Variants in SLC4A10 observed in about 807,000 individuals in gnomAD.
SLC4A10 encodes the protein sodium-driven chloride bicarbonate exchanger.
SLC4A10 carries 42 observed loss-of-function variants against 137.7 expected under a neutral mutation model. The ratio of observed to expected loss-of-function variants is 0.30; its 90% confidence interval spans 0.24 to 0.39. SLC4A10 has a LOEUF of 0.39. Ranked by LOEUF, SLC4A10 falls within the 10% of genes least tolerant of loss-of-function variation. SLC4A10 has a pLI of 1.00. For synonymous variants in SLC4A10, 474 were observed against 464.1 expected (o/e 1.02, Z -0.27); for missense variants, 925 against 1,355.0 (o/e 0.68, Z 4.98).
chr2:161,632,421 A>T (rs1399856689), intron 1 of SLC4A10, among the ~76,000 whole-genome samples: 4 of 151,672 alleles, frequency 2.6e-5, no homozygotes, highest in Non-Finnish European at 5.9e-5. Context: ...AAAGAAAAAA[A>T]CCCACCACAT....
At chr2:161,636,851 G>A (rs1466728786) in intron 1 of SLC4A10, among the ~76,000 whole-genome samples, 1 of 151,370 alleles carries the variant, frequency 6.6e-6, no homozygotes, top group Admixed American at 6.6e-5. Flanking sequence ...TACCATGCCT[G>A]TCTAATTAAT....
At chr2:161,894,336 A>G (rs1302065992) in intron 10 of SLC4A10, among the ~76,000 whole-genome samples, 1 of 152,086 alleles carries the variant, frequency 6.6e-6, no homozygotes, top group East Asian at 1.9e-4. Flanking sequence ...TTTTATTTCT[A>G]TTTGTAAGCA....
intron 1 of SLC4A10, among the ~76,000 whole-genome samples, chr2:161,709,148 T>A (rs1473096386): frequency 6.6e-6 from 1 of 151,500 alleles, no homozygotes; most frequent in East Asian, 1.9e-4. Flanking sequence ...AGATTAAGCC[T>A]GAATAGAGTC....
chr2:161,983,096 CG>C, intron 26 of SLC4A10, 82 bp from the exon 27 acceptor site: 1 of 1,284,066 alleles, frequency 7.8e-7, no homozygotes, highest in Non-Finnish European at 1.1e-6. Context: ...TTGGGGTTGA[CG>C]GGTTTTATGT....
chr2:161,807,579 T>C (rs1286113284), intron 3 of SLC4A10, among the ~76,000 whole-genome samples: 1 of 152,186 alleles, frequency 6.6e-6, no homozygotes, highest in African/African-American at 2.4e-5. Flanking sequence ...TAAGTTTGTC[T>C]TTATTTGTTT....
Position 161,956,984 on chromosome 2 carries a change from A to T in SLC4A10, c.2542-5A>T. The T allele has an allele frequency of 6.4e-7, 1 of 1,553,528 alleles. No individual in the cohort carries two copies. Among genetic ancestry groups the T allele is most frequent in the Non-Finnish European group, 8.7e-7 (1 of 1,150,078 alleles). On this transcript the variant is annotated splice_region_variant and splice_polypyrimidine_tract_variant and intron_variant, in intron 19 of 26. Transcript: ENST00000446997. The stretch of plus-strand genomic sequence containing the variant: ...TCTTTCTCTCTTTCTTTCTTTTTTA[A>T]ACAGAAAGGTTGTGGGTACCATCTG...
intron 1 of SLC4A10, among the ~76,000 whole-genome samples, chr2:161,695,426 T>C (rs766045017): frequency 1.1e-4 from 17 of 152,190 alleles, no homozygotes; most frequent in Admixed American, 2.6e-4. Context: ...TTTTGCATAC[T>C]GTTGCATTTT....
At chr2:161,926,409 T>G (rs1689122669) in intron 15 of SLC4A10, among the ~76,000 whole-genome samples, 1 of 112,640 alleles carries the variant, frequency 8.9e-6, no homozygotes, top group Non-Finnish European at 1.9e-5. Flanking sequence ...TTTTTTTTTT[T>G]GGTAGATCTT....
chr2:161,919,469 G>A (rs1005878099), intron 15 of SLC4A10, among the ~76,000 whole-genome samples: 6 of 151,972 alleles, frequency 3.9e-5, no homozygotes, highest in Admixed American at 1.3e-4. Context: ...TTCCCCTCTG[G>A]AGCCCATAAA....
At chr2:161,661,406 G>A (rs548148711) in intron 1 of SLC4A10, among the ~76,000 whole-genome samples, 2 of 152,310 alleles carry the variant, frequency 1.3e-5, no homozygotes, top group African/African-American at 4.8e-5. Flanking sequence ...ACTGGGAGGC[G>A]GAGGTTGCAG....
intron 1 of SLC4A10, among the ~76,000 whole-genome samples, chr2:161,722,214 A>G (rs7591103): frequency 0.8 from 121,253 of 152,104 alleles, 48,820 homozygotes; most frequent in Middle Eastern, 0.87. Flanking sequence ...GCCCGGTTCT[A>G]TGCTCTTGCT....
intron 9 of SLC4A10, among the ~76,000 whole-genome samples, chr2:161,880,071 ACC>A (rs2061672819): frequency 6.6e-6 from 1 of 152,152 alleles, no homozygotes; most frequent in Non-Finnish European, 1.5e-5. Flanking sequence ...TTACCCAGGA[ACC>A]TTGTTTTCTT....
intron 1 of SLC4A10, among the ~76,000 whole-genome samples, chr2:161,763,442 T>C (rs542604422): frequency 1.3e-5 from 2 of 151,868 alleles, no homozygotes; most frequent in South Asian, 4.1e-4. Flanking sequence ...ATATAAGAAA[T>C]AAAAAATACG....
intron 2 of SLC4A10, among the ~76,000 whole-genome samples, chr2:161,791,978 A>G (rs983038403): frequency 1.3e-5 from 2 of 152,200 alleles, no homozygotes; most frequent in Non-Finnish European, 2.9e-5. Context: ...GTATAGCTTC[A>G]TAATTTGGGG....
chr2:161,709,052 T>C (rs1455417938), intron 1 of SLC4A10, among the ~76,000 whole-genome samples: 1 of 151,178 alleles, frequency 6.6e-6, no homozygotes, highest in Non-Finnish European at 1.5e-5. Flanking sequence ...TTGTGTTTAC[T>C]TTAGCTTTTT....
chr2:161,863,113 A>G (rs2060527759), intron 6 of SLC4A10, 51 bp downstream of exon 6: 5 of 1,464,698 alleles, frequency 3.4e-6, no homozygotes, highest in Non-Finnish European at 9.2e-7. Context: ...TCTCTGACAT[A>G]TCAAAGCGCT....
intron 10 of SLC4A10, among the ~76,000 whole-genome samples, chr2:161,885,891 T>C (rs1203264509): frequency 6.6e-6 from 1 of 152,136 alleles, no homozygotes; most frequent in Non-Finnish European, 1.5e-5. Flanking sequence ...TCACTTGATG[T>C]CACAAGTTTG....
chr2:161,631,722 A>G (rs1038139146), intron 1 of SLC4A10, among the ~76,000 whole-genome samples: 2 of 151,798 alleles, frequency 1.3e-5, no homozygotes, highest in African/African-American at 4.8e-5. Context: ...TAGCAAGAAT[A>G]ACACAAAAAT....
At chr2:161,643,604 A>C (rs559868119) in intron 1 of SLC4A10, among the ~76,000 whole-genome samples, 10 of 152,270 alleles carry the variant, frequency 6.6e-5, no homozygotes, top group African/African-American at 2.2e-4. Context: ...TTTCATATAC[A>C]GTTTAAACGT....
Sources: gnomAD v4.1 joint callset for allele counts (sites outside exome capture counted in the v4.1 genomes callset) on GRCh38, gnomAD v4.1.1 for gene constraint, MANE v1.5 for transcripts, NCBI Gene and HGNC (gene_info 2026-07-23, HGNC 2026-07-21) for gene names.